C6: variants seen among roughly 807,000 people sequenced by gnomAD.
C6 encodes complement C6.
In C6, 101 loss-of-function variants were observed where a neutral mutation model predicts 112.9. The ratio of observed to expected loss-of-function variants is 0.89; its 90% CI spans 0.76 to 1.06. The LOEUF is 1.06. Among genes scored for constraint, C6 ranks in the 50% least tolerant of loss-of-function variants. C6 has a pLI of 0.00. For missense variants in C6, 1,202 were observed against 1,104.6 expected (o/e 1.09, Z -1.25); for synonymous variants, 431 against 384.1 (o/e 1.12, Z -1.43).
At position 41,198,791 on chromosome 5, in the gene C6, G is replaced by A. The variant is rs1358329697; in HGVS notation, c.445+977C>T. 2.6e-5 allele frequency among the ~76,000 whole-genome samples: 4 copies of A among 151,930 alleles called. No individual in the cohort carries two copies. The South Asian group carries it at 8.3e-4, about 32-fold the overall frequency. On this transcript the variant is annotated intron_variant, in intron 4 of 17. Coordinates refer to ENST00000337836, the MANE Select transcript of C6 (RefSeq NM_000065.5). ...GAATAAGAGTCTTTTTTGCTTATAT[G>A]TAGTAAAAACCATCTTTCAAGCTTC... is the stretch of plus-strand genomic sequence containing the variant.
chr5:41,207,989 C>T lies in C6; in HGVS notation c.-20-4739G>A, dbSNP rs192418935. On this transcript the variant is annotated intron_variant, in intron 1 of 17. Transcript: ENST00000337836. Reference sequence around the variant, plus strand: ...CCACAGAGTTGGAAGTAAAGCACTCCTCCGCAAATGTAGAACAGAAATTAC... The same window carrying T: ...CCACAGAGTTGGAAGTAAAGCACTCTTCCGCAAATGTAGAACAGAAATTAC... Among the ~76,000 whole-genome samples the T allele has an allele frequency of 2.2e-4, 34 of 152,306 alleles. No individual in the cohort carries two copies. In the East Asian group the frequency reaches 6.0e-3, roughly 27 times the overall value.
intron 13 of C6, among the ~76,000 whole-genome samples, chr5:41,157,800 G>C (rs558090971): frequency 6.6e-6 from 1 of 152,182 alleles, no homozygotes; most frequent in Admixed American, 6.5e-5. Context: ...TGTTGAGTTT[G>C]AGAACCTATT....
At position 41,186,057 on chromosome 5, in the gene C6, T is replaced by C. The variant is rs1380049924; in HGVS notation, c.726+13A>G. On this transcript the variant is annotated intron_variant, in intron 6 of 17. Transcript: ENST00000337836. ...GACGGTGTTGGAGTTGCCACCATGC[T>C]AGGCTGTCATACCTCAAAGCCGACA... 2.5e-6 allele frequency: 4 copies of C among 1,613,900 alleles called. No homozygotes were observed. The South Asian group carries it at 4.4e-5, about 18-fold the overall frequency.
At chr5:41,255,515 T>C (rs1210004224) in intron 1 of C6, among the ~76,000 whole-genome samples, 4 of 152,158 alleles carry the variant, frequency 2.6e-5, no homozygotes. Flanking sequence ...CAAGTGTGTC[T>C]TATGGAATCA....
intron 14 of C6, among the ~76,000 whole-genome samples, chr5:41,154,269 A>G (rs1746689215): frequency 6.6e-6 from 1 of 152,126 alleles, no homozygotes; most frequent in Admixed American, 6.5e-5. Flanking sequence ...AATCATTGGG[A>G]CCTTTTCCTT....
chr5:41,164,490 C>G (rs1002072249), intron 9 of C6, among the ~76,000 whole-genome samples: 1 of 152,090 alleles, frequency 6.6e-6, no homozygotes, highest in Non-Finnish European at 1.5e-5. Context: ...GGGGGAAGAA[C>G]AGCAGAAATG....
chr5:41,251,454 T>C (rs928935142), intron 1 of C6, among the ~76,000 whole-genome samples: 2 of 152,172 alleles, frequency 1.3e-5, no homozygotes, highest in Admixed American at 6.5e-5. Context: ...GTGGCAGGCA[T>C]ATTGTCCTTG....
upstream of C6, among the ~76,000 whole-genome samples, chr5:41,215,144 A>C (rs2921175): frequency 0.51 from 76,735 of 151,664 alleles, 20,301 homozygotes; most frequent in Non-Finnish European, 0.6. Flanking sequence ...GTTTTTGTAA[A>C]TAACGTTTTA....
At chr5:41,179,100 C>T (rs1396533171) in intron 7 of C6, among the ~76,000 whole-genome samples, 3 of 151,716 alleles carry the variant, frequency 2.0e-5, no homozygotes, top group Admixed American at 6.6e-5. Context: ...GCAATCTGCC[C>T]ACCTTGGCCT....
At chr5:41,220,702 G>A (rs964830867) in intron 1 of C6, among the ~76,000 whole-genome samples, 3 of 151,868 alleles carry the variant, frequency 2.0e-5, no homozygotes, top group African/African-American at 7.2e-5. Context: ...TCTTTGGATC[G>A]CTAATTTTTT....
At chr5:41,167,022 T>G (rs1748032697) in intron 9 of C6, among the ~76,000 whole-genome samples, 1 of 152,094 alleles carries the variant, frequency 6.6e-6, no homozygotes, top group Non-Finnish European at 1.5e-5. Context: ...TATTTATCTG[T>G]TGGATTAATG....
Position 41,156,111 on chromosome 5 carries a change from C to T in C6, c.1969-1007G>A, listed in dbSNP as rs116731631. 3.4e-3 allele frequency among the ~76,000 whole-genome samples: 509 copies of T among 151,736 alleles called. 3 individuals carry two copies. Among genetic ancestry groups the T allele is most frequent in the African/African-American group, 0.012 (490 of 41,364 alleles). On this transcript the variant is annotated intron_variant, in intron 13 of 17. Transcript: ENST00000337836. ...GAATATTTATTTTAACTTACTTTAC[C>T]ACCCTCACCTCCTGCCATTTCCTCC...
At chr5:41,227,514 C>CAA (rs1224640490) in intron 1 of C6, among the ~76,000 whole-genome samples, 1 of 151,908 alleles carries the variant, frequency 6.6e-6, no homozygotes, top group Non-Finnish European at 1.5e-5. Flanking sequence ...GGGTCACATC[C>CAA]AAAAAAATCA....
upstream of C6, among the ~76,000 whole-genome samples, chr5:41,214,333 T>C (rs1240748038): frequency 6.6e-6 from 1 of 152,148 alleles, no homozygotes; most frequent in Non-Finnish European, 1.5e-5. Flanking sequence ...ACAGCTTAGA[T>C]TTTTATCACA....
intron 3 of C6, 53 bp from the exon 4 acceptor site, chr5:41,199,965 T>C (rs1297618876): frequency 6.3e-7 from 1 of 1,582,730 alleles, no homozygotes; most frequent in African/African-American, 1.3e-5. Context: ...AAGGTCAAAA[T>C]GTACCTAAGA....
chr5:41,238,426 A>G (rs1233726853), intron 1 of C6, among the ~76,000 whole-genome samples: 3 of 152,184 alleles, frequency 2.0e-5, no homozygotes, highest in African/African-American at 7.2e-5. Context: ...ATAATGCCAC[A>G]TATCTCATTC....
At chr5:41,208,742 C>T (rs1751643182) in intron 1 of C6, among the ~76,000 whole-genome samples, 1 of 151,772 alleles carries the variant, frequency 6.6e-6, no homozygotes, top group Non-Finnish European at 1.5e-5. Flanking sequence ...GCTTACCAAC[C>T]AAAAAAAGTC....
chr5:41,157,509 C>A (rs548448680), intron 13 of C6, among the ~76,000 whole-genome samples: 24 of 152,258 alleles, frequency 1.6e-4, no homozygotes, highest in Middle Eastern at 3.4e-3. Context: ...ATGAAAGTAG[C>A]CATAGACGAT....
chr5:41,244,293 A>G (rs1161572132), intron 1 of C6, among the ~76,000 whole-genome samples: 2 of 152,176 alleles, frequency 1.3e-5, no homozygotes, highest in Admixed American at 6.5e-5. Flanking sequence ...TAAAATTTTT[A>G]TGGTGTTTAG....
Sources: allele counts gnomAD v4.1 joint callset (sites outside exome capture counted in the v4.1 genomes callset), GRCh38; gene constraint gnomAD v4.1.1; transcripts MANE v1.5; gene names NCBI Gene and HGNC (gene_info 2026-07-23, HGNC 2026-07-21).